Variants in EPC1 observed in about 807,000 individuals in gnomAD.
The protein encoded by EPC1 is enhancer of polycomb homolog 1.
EPC1 carries 12 observed loss-of-function variants against 98.4 expected under a neutral mutation model. That is an observed-to-expected ratio of 0.12 (90% CI 0.08 to 0.20). The LOEUF is 0.20. Ranked by LOEUF, EPC1 falls within the 10% of genes least tolerant of loss-of-function variation. The probability of loss-of-function intolerance (pLI) is 1.00; values close to 1 mark genes in which losing one functional copy is unlikely to be tolerated. For missense variants in EPC1, 729 were observed against 990.5 expected, an observed-to-expected ratio of 0.74 and a Z score of 3.54; for synonymous variants, 357 against 363.9, an observed-to-expected ratio of 0.98 and a Z score of 0.21.
At chr10:32,363,089 T>C (rs1839490510) in intron 1 of EPC1, among the ~76,000 whole-genome samples, 1 of 152,180 alleles carries the variant, frequency 6.6e-6, no homozygotes, top group Non-Finnish European at 1.5e-5. Flanking sequence ...CTTTATTACC[T>C]GAGAGACAGG....
upstream of EPC1, among the ~76,000 whole-genome samples, chr10:32,348,792 C>T (rs951151481): frequency 1.3e-5 from 2 of 152,162 alleles, no homozygotes; most frequent in Non-Finnish European, 2.9e-5. Context: ...TGGCAACTGC[C>T]ACACGGCGAG....
chr10:32,346,613 G>C (rs1037695010), intron 1 of EPC1, 150 bp downstream of exon 1: 2 of 772,228 alleles, frequency 2.6e-6, no homozygotes, highest in South Asian at 3.5e-5. Context: ...CGAGGCTGGG[G>C]GAGGCGGGGT....
intron 2 of EPC1, among the ~76,000 whole-genome samples, chr10:32,300,012 C>T (rs1835400249): frequency 1.4e-5 from 1 of 72,586 alleles, no homozygotes; most frequent in African/African-American, 6.1e-5. Context: ...CTCCCAGGTT[C>T]ATGCCATCTC....
intron 1 of EPC1, 117 bp downstream of exon 1, chr10:32,346,646 A>C (rs1018462690): frequency 1.9e-6 from 2 of 1,025,644 alleles, no homozygotes; most frequent in Non-Finnish European, 2.9e-6. Context: ...GGCGACTGAG[A>C]GTCGGCGGCG....
intron 2 of EPC1, among the ~76,000 whole-genome samples, chr10:32,304,823 G>A (rs564090874): frequency 6.6e-6 from 1 of 151,784 alleles, no homozygotes; most frequent in South Asian, 2.1e-4. Context: ...GGAGGCTGAG[G>A]CAGGAGAATC....
chr10:32,291,311 C>G lies in EPC1; in HGVS notation c.827G>C (p.Gly276Ala). The G allele has an allele frequency of 1.2e-6, 2 of 1,606,372 alleles. No homozygotes were observed. The highest frequency in any genetic ancestry group is 1.7e-6 in the Non-Finnish European group (2 of 1,176,254). Residue 276 changes from glycine to alanine, a missense_variant, in exon 6 of 14, where the codon GGC becomes GCC. By Grantham distance (60) the Gly-to-Ala change is moderately conservative. Around this residue, in one of 6 missense-constraint regions of EPC1, gnomAD observed 390 missense variants for 438.6 expected, o/e 0.89. Coordinates refer to ENST00000319778, the MANE Select transcript of EPC1 (RefSeq NM_001272004.3). The stretch of plus-strand genomic sequence containing the variant: ...AGACATGATCTCTCCATTGTAGTCG[C>G]CCAAATTATACCTAAAATTATACAA... Reference protein sequence around the residue: ...LEIMEKRYNLGDYNGEIMSEV... With the variant: ...LEIMEKRYNLADYNGEIMSEV...
At chr10:32,324,559 T>C (rs1192201404) in intron 1 of EPC1, among the ~76,000 whole-genome samples, 1 of 150,814 alleles carries the variant, frequency 6.6e-6, no homozygotes, top group African/African-American at 2.4e-5. Context: ...AAAAAGTTAC[T>C]CTAATAAATC....
intron 6 of EPC1, among the ~76,000 whole-genome samples, chr10:32,290,483 C>CAAAAAAAAAAAAAAAAAAAAA (rs57193296): frequency 1.0e-4 from 4 of 40,156 alleles, no homozygotes; most frequent in Admixed American, 6.0e-4. Flanking sequence ...AAGACTCTGT[C>CAAAAAAAAAAAAAAAAAAAAA]AAAAAAAAAA....
chr10:32,326,245 C>T (rs1311322353), intron 1 of EPC1, among the ~76,000 whole-genome samples: 1 of 152,144 alleles, frequency 6.6e-6, no homozygotes, highest in Non-Finnish European at 1.5e-5. Flanking sequence ...TACTTTCTGG[C>T]TGTCGTGTGG....
chr10:32,354,003 T>C (rs1022498898), intron 1 of EPC1, among the ~76,000 whole-genome samples: 13 of 152,222 alleles, frequency 8.5e-5, no homozygotes, highest in Admixed American at 7.2e-4. Context: ...CAGTTGCCTT[T>C]CAATATATTT....
At chr10:32,329,347 T>C (rs1837499416) in intron 1 of EPC1, among the ~76,000 whole-genome samples, 1 of 152,190 alleles carries the variant, frequency 6.6e-6, no homozygotes, top group South Asian at 2.1e-4. Context: ...ACCCAATGGA[T>C]AGTGCAATGC....
At chr10:32,272,942 C>A in intron 11 of EPC1, 1 of 1,274,592 alleles carries the variant, frequency 7.8e-7, no homozygotes. Context: ...ACAGTATCTT[C>A]ATCTCATTTA....
chr10:32,324,674 A>AAAACAAAC (rs151134554), intron 1 of EPC1, among the ~76,000 whole-genome samples: 12 of 151,876 alleles, frequency 7.9e-5, no homozygotes, highest in African/African-American at 2.9e-4. Context: ...CTAATCTTAA[A>AAAACAAAC]AAACAAACAA....
chr10:32,362,250 CA>C (rs1163493393), intron 1 of EPC1, among the ~76,000 whole-genome samples: 1 of 152,040 alleles, frequency 6.6e-6, no homozygotes, highest in Non-Finnish European at 1.5e-5. Context: ...GTAACAAAAG[CA>C]TGTGATATAG....
At chr10:32,301,630 C>G (rs74128033) in intron 2 of EPC1, among the ~76,000 whole-genome samples, 3,046 of 152,218 alleles carry the variant, frequency 0.02, 107 homozygotes, top group African/African-American at 0.07. Context: ...ATCCACACAA[C>G]AATGTCCAGT....
intron 2 of EPC1, among the ~76,000 whole-genome samples, chr10:32,303,921 C>T (rs1289221069): frequency 6.6e-6 from 1 of 152,228 alleles, no homozygotes; most frequent in Non-Finnish European, 1.5e-5. Flanking sequence ...GGAGACTTCT[C>T]TGTACATTTC....
At chr10:32,327,915 T>A (rs1837403501) in intron 1 of EPC1, among the ~76,000 whole-genome samples, 1 of 152,220 alleles carries the variant, frequency 6.6e-6, no homozygotes, top group African/African-American at 2.4e-5. Flanking sequence ...GATCACTACG[T>A]GCCAATTTTA....
chr10:32,305,465 A>T (rs1427588774), intron 2 of EPC1, among the ~76,000 whole-genome samples: 1 of 151,732 alleles, frequency 6.6e-6, no homozygotes, highest in Non-Finnish European at 1.5e-5. Flanking sequence ...TAATATTATT[A>T]ATTCTAAACA....
At chr10:32,289,292 C>A in intron 6 of EPC1, among the ~76,000 whole-genome samples, 1 of 150,978 alleles carries the variant, frequency 6.6e-6, no homozygotes, top group South Asian at 2.1e-4. Flanking sequence ...TCTACTCTCC[C>A]TCCCACCCTC....
Sources: allele counts gnomAD v4.1 joint callset (sites outside exome capture counted in the v4.1 genomes callset), GRCh38; gene constraint gnomAD v4.1.1; regional missense constraint gnomAD v4.1.1; transcripts MANE v1.5; gene names NCBI Gene and HGNC (gene_info 2026-07-23, HGNC 2026-07-21).